PEBP4: variants seen among roughly 807,000 people sequenced by gnomAD.
The protein encoded by PEBP4 is phosphatidylethanolamine binding protein 4, also known as phosphatidylethanolamine-binding protein 4.
Under a neutral mutation model 23.9 loss-of-function variants are expected in PEBP4, and 22 were observed. The observed-to-expected ratio is 0.92, with a 90% CI of 0.66 to 1.31. The LOEUF (loss-of-function observed/expected upper bound fraction) is 1.31. Among genes scored for constraint, PEBP4 ranks in the 40% most tolerant of loss-of-function variants. The probability of loss-of-function intolerance (pLI) is 0.00; values close to 1 mark genes in which losing one functional copy is unlikely to be tolerated. For missense variants in PEBP4, 324 were observed against 281.7 expected (o/e 1.15, Z -1.07); for synonymous variants, 112 against 99.3 (o/e 1.13, Z -0.76).
intron 4 of PEBP4, among the ~76,000 whole-genome samples, chr8:22,730,887 A>C (rs1804715447): frequency 6.6e-6 from 1 of 152,180 alleles, no homozygotes; most frequent in Admixed American, 6.5e-5. Context: ...CCCCTCCAGG[A>C]CTGACCGATG....
upstream of PEBP4, chr8:22,928,044 A>G (rs1246200006): frequency 1.0e-5 from 3 of 293,528 alleles, no homozygotes; most frequent in Non-Finnish European, 1.9e-5. Context: ...AAGTGCTTAT[A>G]TAAGCTCCTC....
intron 4 of PEBP4, among the ~76,000 whole-genome samples, chr8:22,801,434 C>T (rs1000715043): frequency 2.0e-5 from 3 of 152,180 alleles, no homozygotes; most frequent in Non-Finnish European, 4.4e-5. Context: ...GAGGTCCCTG[C>T]TTCCTGGCTG....
At chr8:22,912,933 G>A (rs60260273) in intron 3 of PEBP4, among the ~76,000 whole-genome samples, 5,748 of 152,212 alleles carry the variant, frequency 0.038, 210 homozygotes, top group African/African-American at 0.093. Flanking sequence ...ACCTGGCTCC[G>A]CCTGTTAGCA....
At position 22,865,403 on chromosome 8, in the gene PEBP4, T is replaced by A. The variant is rs148179916; in HGVS notation, c.259-47668A>T. 0.01 allele frequency among the ~76,000 whole-genome samples: 1,540 copies of A among 150,338 alleles called. 13 individuals are homozygous for A. The highest frequency in any genetic ancestry group is 0.017 in the Middle Eastern group (5 of 286). On this transcript the variant is annotated intron_variant, in intron 3 of 6. Transcript: ENST00000256404. The surrounding 1 kb of genome is among the most constrained non-coding windows in gnomAD (Gnocchi z 6.9). The stretch of plus-strand genomic sequence containing the variant: ...GGTGGCGGCGGCGGGACCCCGGGCC[T>A]GGCTGCGCGCTCCACCTGCGCCTCC...
At chr8:22,808,026 T>C (rs148701396) in intron 4 of PEBP4, among the ~76,000 whole-genome samples, 1 of 151,772 alleles carries the variant, frequency 6.6e-6, no homozygotes, top group African/African-American at 2.4e-5. Flanking sequence ...CTACCTAATC[T>C]TTATCCATCC....
intron 3 of PEBP4, among the ~76,000 whole-genome samples, chr8:22,891,039 AG>A (rs1163674090): frequency 6.6e-6 from 1 of 152,202 alleles, no homozygotes; most frequent in East Asian, 1.9e-4. Context: ...CATGTTGGCC[AG>A]GCTGGTCTTG....
chr8:22,861,064 G>A (rs10503723), intron 3 of PEBP4, among the ~76,000 whole-genome samples: 2,735 of 152,334 alleles, frequency 0.018, 35 homozygotes, highest in Middle Eastern at 0.058. Flanking sequence ...TCCTTGGAAC[G>A]TAGAGCTTCT....
intron 3 of PEBP4, among the ~76,000 whole-genome samples, chr8:22,917,780 A>G (rs1020259482): frequency 6.6e-6 from 1 of 152,256 alleles, no homozygotes; most frequent in Non-Finnish European, 1.5e-5. Flanking sequence ...GATAGGCACA[A>G]GACCAAAGCG....
chr8:22,817,838 G>A (rs1256868999), intron 3 of PEBP4, 103 bp from the exon 4 acceptor site: 1 of 1,033,262 alleles, frequency 9.7e-7, no homozygotes, highest in Non-Finnish European at 1.5e-6. Flanking sequence ...GAATGGCTGA[G>A]TAGCCCCTAT....
At chr8:22,795,143 G>GTATATATATATATATATATATATATATA (rs1206085493) in intron 4 of PEBP4, among the ~76,000 whole-genome samples, 3 of 49,910 alleles carry the variant, frequency 6.0e-5, no homozygotes, top group African/African-American at 8.9e-5. Context: ...ATGTGTGTGT[G>GTATATATATATATATATATATATATATA]TATATATATA....
At chr8:22,821,817 C>G (rs567515472) in intron 3 of PEBP4, among the ~76,000 whole-genome samples, 50 of 152,062 alleles carry the variant, frequency 3.3e-4, no homozygotes, top group African/African-American at 1.1e-3. Flanking sequence ...AACCCCGTCT[C>G]TACTAAAAAT....
intron 3 of PEBP4, among the ~76,000 whole-genome samples, chr8:22,882,370 G>A (rs1474655859): frequency 1.3e-5 from 2 of 152,212 alleles, no homozygotes; most frequent in African/African-American, 4.8e-5. Context: ...CTGAGCAGAG[G>A]GGGGCGGAGC....
intron 3 of PEBP4, among the ~76,000 whole-genome samples, chr8:22,898,353 C>T (rs1808631575): frequency 7.2e-6 from 1 of 138,024 alleles, no homozygotes; most frequent in East Asian, 2.2e-4. Context: ...GATCACACCG[C>T]TGCACTCCAG....
intron 1 of PEBP4, among the ~76,000 whole-genome samples, chr8:22,938,424 C>T (rs1161793654): frequency 6.6e-6 from 1 of 152,224 alleles, no homozygotes; most frequent in East Asian, 1.9e-4. Context: ...CTTTAGGGTA[C>T]CTTCCTGGGT....
intron 3 of PEBP4, among the ~76,000 whole-genome samples, chr8:22,846,548 C>A (rs534991415): frequency 3.9e-5 from 6 of 152,146 alleles, no homozygotes; most frequent in Non-Finnish European, 7.4e-5. Context: ...GTCACCACTG[C>A]GATGCCCACA....
intron 3 of PEBP4, among the ~76,000 whole-genome samples, chr8:22,835,422 CTG>C (rs1807181348): frequency 6.6e-6 from 1 of 152,198 alleles, no homozygotes; most frequent in Non-Finnish European, 1.5e-5. Flanking sequence ...GCCAGAGAGA[CTG>C]AGCTTCCTAG....
chr8:22,786,274 T>C, intron 4 of PEBP4, among the ~76,000 whole-genome samples: 1 of 151,878 alleles, frequency 6.6e-6, no homozygotes, highest in East Asian at 1.9e-4. Context: ...TTCTGTTTTT[T>C]TGTTTGTTTG....
chr8:22,759,722 C>T (rs1805466656), intron 4 of PEBP4, among the ~76,000 whole-genome samples: 1 of 152,170 alleles, frequency 6.6e-6, no homozygotes, highest in South Asian at 2.1e-4. Flanking sequence ...TTATGTAGTT[C>T]CTCGAGAAGC....
intron 3 of PEBP4, among the ~76,000 whole-genome samples, chr8:22,880,113 C>T (rs1053842934): frequency 4.6e-5 from 7 of 152,204 alleles, no homozygotes; most frequent in Admixed American, 1.3e-4. Flanking sequence ...AGGAGAGAGC[C>T]GCCTGGGGCT....
Sources: allele counts gnomAD v4.1 joint callset (sites outside exome capture counted in the v4.1 genomes callset), GRCh38; gene constraint gnomAD v4.1.1; non-coding constraint Gnocchi (gnomAD v3.1); transcripts MANE v1.5; gene names NCBI Gene and HGNC (gene_info 2026-07-23, HGNC 2026-07-21).